The following RBFOX3 variants were observed in gnomAD, a reference collection of about 807,000 sequenced individuals.
RBFOX3 encodes the protein RNA binding fox-1 homolog 3, also known as RNA binding protein fox-1 homolog 3.
A neutral mutation model predicts 48.7 loss-of-function variants in RBFOX3; 17 were observed. The ratio of observed to expected loss-of-function variants is 0.35; its 90% CI spans 0.24 to 0.52. The LOEUF is 0.52. Ranked by LOEUF, RBFOX3 falls within the 20% of genes least tolerant of loss-of-function variation. The pLI is 0.94. For missense variants in RBFOX3, 382 were observed against 497.5 expected, an observed-to-expected ratio of 0.77 and a Z score of 2.21; for synonymous variants, 212 against 209.5, an observed-to-expected ratio of 1.01 and a Z score of -0.10.
At position 79,182,561 on chromosome 17, in the gene RBFOX3, A is replaced by T. The variant is rs567571468; in HGVS notation, c.-34+53205T>A. Among the ~76,000 whole-genome samples, 262 of 145,734 alleles carry T rather than the reference A, an allele frequency of 1.8e-3. 1 individual carries two copies. The highest frequency in any genetic ancestry group is 2.9e-3 in the Non-Finnish European group (193 of 66,232). The stretch of plus-strand genomic sequence containing the variant: ...CCAACGCCCCGGCCGGCCGGCGGGC[A>T]GGCGGCTGCTGATGCTCTGTGCGCA... On this transcript the variant is annotated intron_variant, in intron 4 of 14. Transcript: ENST00000693108.
intron 3 of RBFOX3, among the ~76,000 whole-genome samples, chr17:79,253,929 G>C (rs746305658): frequency 1.4e-4 from 22 of 152,222 alleles, no homozygotes; most frequent in Non-Finnish European, 3.1e-4. Context: ...AGGTCACACA[G>C]TAGCAGATGG....
intron 4 of RBFOX3, among the ~76,000 whole-genome samples, chr17:79,200,162 CAAAAA>C (rs3046721): frequency 9.0e-6 from 1 of 110,980 alleles, no homozygotes; most frequent in East Asian, 2.6e-4. Flanking sequence ...GACTCCGTCT[CAAAAA>C]AAAAAAAAAA....
At chr17:79,164,632 A>G (rs2047632744) in intron 4 of RBFOX3, among the ~76,000 whole-genome samples, 1 of 152,172 alleles carries the variant, frequency 6.6e-6, no homozygotes, top group Admixed American at 6.5e-5. Context: ...GGAGCAAAAC[A>G]AAAGTGCACG....
At chr17:79,354,976 T>G (rs952795999) in intron 2 of RBFOX3, among the ~76,000 whole-genome samples, 8 of 152,182 alleles carry the variant, frequency 5.3e-5, no homozygotes, top group Admixed American at 4.6e-4. Flanking sequence ...CTTCCCTGGC[T>G]GTGGGATTAT....
At chr17:79,486,869 A>C (rs2079684237) in intron 1 of RBFOX3, among the ~76,000 whole-genome samples, 1 of 152,184 alleles carries the variant, frequency 6.6e-6, no homozygotes, top group Non-Finnish European at 1.5e-5. Flanking sequence ...TGGCTGCTTC[A>C]ACCTGCTGCA....
At chr17:79,374,588 C>A (rs2058986646) in intron 2 of RBFOX3, among the ~76,000 whole-genome samples, 1 of 152,234 alleles carries the variant, frequency 6.6e-6, no homozygotes, top group Non-Finnish European at 1.5e-5. Context: ...CGAGAGCTGG[C>A]TGCGCCCAGG....
intron 4 of RBFOX3, among the ~76,000 whole-genome samples, chr17:79,155,502 T>C (rs1001478192): frequency 6.6e-6 from 1 of 152,248 alleles, no homozygotes; most frequent in African/African-American, 2.4e-5. Flanking sequence ...TTTGTCTGCA[T>C]TCAGCCGACT....
rs758542834 is a variant in RBFOX3, at chr17:79,477,497, A to G, written c.-175+4957T>C. Among the ~76,000 whole-genome samples, 10 of 151,980 alleles carry G rather than the reference A, an allele frequency of 6.6e-5. No individual in the cohort carries two copies. Among genetic ancestry groups the G allele is most frequent in the African/African-American group, 2.4e-4 (10 of 41,358 alleles). On this transcript the variant is annotated intron_variant, in intron 2 of 14. Coordinates refer to ENST00000693108, the MANE Select transcript of RBFOX3 (RefSeq NM_001350451.2). This position sits in a 1 kb window ranked among gnomAD's most constrained non-coding sequence, Gnocchi z 4.8. ...CGTGAACCCGGGAGGCGGAGTTTGC[A>G]GTGAGCTGAGATCGCCCCATCGCAC...
At chr17:79,589,598 T>G (rs2093358094) in intron 1 of RBFOX3, among the ~76,000 whole-genome samples, 1 of 152,178 alleles carries the variant, frequency 6.6e-6, no homozygotes, top group African/African-American at 2.4e-5. Context: ...ATCTCCTCCC[T>G]GCTGCCTGCC....
chr17:79,140,298 A>T, intron 4 of RBFOX3, among the ~76,000 whole-genome samples: 1 of 152,266 alleles, frequency 6.6e-6, no homozygotes, highest in South Asian at 2.1e-4. Context: ...CTCTGAGCCC[A>T]GGGCCATTTC....
chr17:79,125,556 AG>A (rs2036987662), intron 4 of RBFOX3, among the ~76,000 whole-genome samples: 1 of 152,220 alleles, frequency 6.6e-6, no homozygotes, highest in Non-Finnish European at 1.5e-5. Flanking sequence ...CAGGGAGCTC[AG>A]GGAGCAGGCG....
chr17:79,326,621 G>T (rs2079372289), intron 2 of RBFOX3, among the ~76,000 whole-genome samples: 1 of 152,226 alleles, frequency 6.6e-6, no homozygotes, highest in Non-Finnish European at 1.5e-5. Context: ...CGCAGGCACA[G>T]TTGGCAGTGC....
chr17:79,277,323 C>T (rs1404989594), intron 3 of RBFOX3, among the ~76,000 whole-genome samples: 4 of 151,052 alleles, frequency 2.6e-5, no homozygotes, highest in African/African-American at 7.3e-5. Flanking sequence ...TAGTGCTGCT[C>T]GACTGGTACC....
intron 2 of RBFOX3, among the ~76,000 whole-genome samples, chr17:79,377,881 C>G (rs1277671747): frequency 1.3e-5 from 2 of 152,166 alleles, no homozygotes; most frequent in African/African-American, 4.8e-5. Context: ...ATTCCCAGCA[C>G]TCTAGAGAGG....
At chr17:79,201,707 G>A (rs1379489896) in intron 4 of RBFOX3, among the ~76,000 whole-genome samples, 2 of 152,158 alleles carry the variant, frequency 1.3e-5, no homozygotes, top group Non-Finnish European at 2.9e-5. Context: ...TGGCGGAGGT[G>A]GCCCATGGCC....
chr17:79,548,247 G>A (rs2090729164), intron 1 of RBFOX3, among the ~76,000 whole-genome samples: 1 of 152,178 alleles, frequency 6.6e-6, no homozygotes, highest in Admixed American at 6.5e-5. Flanking sequence ...GCCCAGCCTG[G>A]CTCACAGCAG....
chr17:79,359,441 C>T (rs1263023356), intron 2 of RBFOX3, among the ~76,000 whole-genome samples: 2 of 152,252 alleles, frequency 1.3e-5, no homozygotes, highest in Non-Finnish European at 2.9e-5. Context: ...CTACTCTCCA[C>T]ATCCTCCCCC....
At chr17:79,518,698 G>A (rs1036167558) in intron 1 of RBFOX3, among the ~76,000 whole-genome samples, 47 of 152,344 alleles carry the variant, frequency 3.1e-4, no homozygotes, top group African/African-American at 9.4e-4. Context: ...GTGCAAAACC[G>A]GGGTTGAGGC....
intron 4 of RBFOX3, among the ~76,000 whole-genome samples, chr17:79,126,723 G>A (rs1010799551): frequency 2.1e-4 from 32 of 152,154 alleles, no homozygotes; most frequent in Admixed American, 1.9e-3. Flanking sequence ...GTTTCTGCAG[G>A]AGACACCCAG....
Sources: allele counts gnomAD v4.1 joint callset (sites outside exome capture counted in the v4.1 genomes callset), GRCh38; gene constraint gnomAD v4.1.1; non-coding constraint Gnocchi (gnomAD v3.1); transcripts MANE v1.5; gene names NCBI Gene and HGNC (gene_info 2026-07-23, HGNC 2026-07-21).